The following L3MBTL4 variants were observed in gnomAD, a reference collection of about 807,000 sequenced individuals.
The protein encoded by L3MBTL4 is L3MBTL histone methyl-lysine binding protein 4, also known as lethal(3)malignant brain tumor-like protein 4.
A neutral mutation model predicts 84.5 loss-of-function variants in L3MBTL4; 70 were observed. That is an observed-to-expected ratio of 0.83 (90% CI 0.68 to 1.01). L3MBTL4 has a LOEUF of 1.01. Ranked by LOEUF, L3MBTL4 falls within the 50% of genes least tolerant of loss-of-function variation. L3MBTL4 has a pLI of 0.00. For synonymous variants in L3MBTL4, 274 were observed against 259.8 expected (o/e 1.05, Z -0.52); for missense variants, 715 against 754.8 (o/e 0.95, Z 0.62).
intron 1 of L3MBTL4, among the ~76,000 whole-genome samples, chr18:6,411,136 G>A (rs895642974): frequency 2.0e-5 from 3 of 152,198 alleles, no homozygotes; most frequent in African/African-American, 7.2e-5. Context: ...AAGATTATAT[G>A]TGTATAAGTG....
chr18:6,356,847 T>C (rs569041611), intron 1 of L3MBTL4: 1 of 152,188 alleles, frequency 6.6e-6, no homozygotes, highest in African/African-American at 2.4e-5. Flanking sequence ...CTTTCTTCAA[T>C]GATAAGTTGG....
intron 1 of L3MBTL4, among the ~76,000 whole-genome samples, chr18:6,327,593 A>G (rs999541756): frequency 6.6e-6 from 1 of 152,198 alleles, no homozygotes; most frequent in Middle Eastern, 3.2e-3. Context: ...CACTGCTGAA[A>G]AGGAGACCAA....
At chr18:6,269,930 T>A (rs1555711041) in intron 4 of L3MBTL4, among the ~76,000 whole-genome samples, 1 of 152,224 alleles carries the variant, frequency 6.6e-6, no homozygotes, top group Non-Finnish European at 1.5e-5. Flanking sequence ...ATGAATCAAC[T>A]GTCATTCTTA....
intron 14 of L3MBTL4, among the ~76,000 whole-genome samples, chr18:6,123,324 C>T (rs551931702): frequency 6.6e-6 from 1 of 152,264 alleles, no homozygotes; most frequent in South Asian, 2.1e-4. Flanking sequence ...GATGGTTTGG[C>T]TGTTTACCCA....
intron 1 of L3MBTL4, among the ~76,000 whole-genome samples, chr18:6,379,315 C>T (rs1416782124): frequency 1.3e-5 from 2 of 152,134 alleles, no homozygotes; most frequent in African/African-American, 4.8e-5. Flanking sequence ...TTATTTCTTT[C>T]TCTTTCCTCA....
At chr18:6,047,052 T>C (rs2056653062) in intron 16 of L3MBTL4, among the ~76,000 whole-genome samples, 1 of 151,836 alleles carries the variant, frequency 6.6e-6, no homozygotes, top group Non-Finnish European at 1.5e-5. Flanking sequence ...CAATCAGAAA[T>C]GACATAGATG....
intron 16 of L3MBTL4, among the ~76,000 whole-genome samples, chr18:6,027,643 G>T (rs557850407): frequency 1.3e-5 from 2 of 152,068 alleles, no homozygotes; most frequent in African/African-American, 4.8e-5. Context: ...ACTAATTCAC[G>T]CTCCCACCAA....
chr18:6,316,806 C>A (rs76038480), intron 1 of L3MBTL4, among the ~76,000 whole-genome samples: 1 of 152,066 alleles, frequency 6.6e-6, no homozygotes, highest in Non-Finnish European at 1.5e-5. Context: ...TCCCACCCTT[C>A]CCCCTGATGA....
chr18:6,233,762 A>G (rs993291061), intron 10 of L3MBTL4, among the ~76,000 whole-genome samples: 1 of 152,202 alleles, frequency 6.6e-6, no homozygotes, highest in African/African-American at 2.4e-5. Flanking sequence ...TACAGATTCA[A>G]TGCCATCCCC....
chr18:6,083,086 A>C (rs762097515), intron 15 of L3MBTL4, among the ~76,000 whole-genome samples: 1 of 152,180 alleles, frequency 6.6e-6, no homozygotes, highest in Admixed American at 6.5e-5. Flanking sequence ...TCAGGTCTTA[A>C]TGGAGCCAAA....
chr18:6,269,272 A>G (rs1463521123), intron 4 of L3MBTL4, among the ~76,000 whole-genome samples: 2 of 152,096 alleles, frequency 1.3e-5, no homozygotes, highest in Non-Finnish European at 2.9e-5. Flanking sequence ...CCATCCTAAC[A>G]TGGTGAAACC....
intron 14 of L3MBTL4, among the ~76,000 whole-genome samples, chr18:6,095,139 T>C (rs2058588746): frequency 6.6e-6 from 1 of 152,226 alleles, no homozygotes. Context: ...GGCCCACTAT[T>C]ATACAGGGTG....
intron 16 of L3MBTL4, among the ~76,000 whole-genome samples, chr18:6,002,033 C>A (rs573088486): frequency 7.2e-4 from 110 of 152,204 alleles, no homozygotes; most frequent in South Asian, 1.5e-3. Context: ...AAGAAGGAAT[C>A]CTGAAAGCAC....
At chr18:6,033,405 G>A (rs994330737) in intron 16 of L3MBTL4, among the ~76,000 whole-genome samples, 3 of 152,042 alleles carry the variant, frequency 2.0e-5, no homozygotes, top group Non-Finnish European at 2.9e-5. Flanking sequence ...GTTGGATCTC[G>A]TTTTTCTTTT....
chr18:6,294,312 A>T (rs1253179312), intron 4 of L3MBTL4, among the ~76,000 whole-genome samples: 1 of 152,236 alleles, frequency 6.6e-6, no homozygotes, highest in Non-Finnish European at 1.5e-5. Flanking sequence ...TGATGCAGTC[A>T]TTTAAAATAG....
chr18:6,345,799 T>G (rs1252394304), intron 1 of L3MBTL4, among the ~76,000 whole-genome samples: 7 of 152,072 alleles, frequency 4.6e-5, no homozygotes, highest in Non-Finnish European at 7.4e-5. Flanking sequence ...CCAATGGCAT[T>G]TTTCACAGAA....
chr18:6,128,872 G>A (rs544899971), intron 14 of L3MBTL4, among the ~76,000 whole-genome samples: 1 of 152,220 alleles, frequency 6.6e-6, no homozygotes, highest in South Asian at 2.1e-4. Flanking sequence ...CGGAGGAAGG[G>A]CAGAGGGCTA....
intron 13 of L3MBTL4, among the ~76,000 whole-genome samples, chr18:6,168,947 T>C (rs1158029900): frequency 1.3e-5 from 2 of 151,996 alleles, no homozygotes; most frequent in Non-Finnish European, 2.9e-5. Flanking sequence ...AGGGCTAATA[T>C]CCAGAATCTA....
intron 16 of L3MBTL4, among the ~76,000 whole-genome samples, chr18:6,025,838 T>C (rs2055477464): frequency 6.6e-6 from 1 of 152,176 alleles, no homozygotes. Context: ...GAGGTGGAGC[T>C]CAGGCAGTAA....
Sources: allele counts gnomAD v4.1 joint callset (sites outside exome capture counted in the v4.1 genomes callset), GRCh38; gene constraint gnomAD v4.1.1; transcripts MANE v1.5; gene names NCBI Gene and HGNC (gene_info 2026-07-23, HGNC 2026-07-21).